PRMT8: variants seen among roughly 807,000 people sequenced by gnomAD.
The protein encoded by PRMT8 is protein arginine N-methyltransferase 8.
A neutral mutation model predicts 47.1 loss-of-function variants in PRMT8; 7 were observed. The ratio of observed to expected loss-of-function variants is 0.15; its 90% CI spans 0.08 to 0.28. The LOEUF is 0.28. PRMT8 is among the 10% of genes least tolerant of loss of function. The pLI is 1.00. For missense variants in PRMT8, 237 were observed against 505.4 expected, an observed-to-expected ratio of 0.47 and a Z score of 5.09; for synonymous variants, 188 against 186.5, an observed-to-expected ratio of 1.01 and a Z score of -0.07.
intron 1 of PRMT8, among the ~76,000 whole-genome samples, chr12:3,383,482 G>C (rs1297291950): frequency 6.6e-6 from 1 of 152,228 alleles, no homozygotes; most frequent in African/African-American, 2.4e-5. Context: ...CAGTGTGGTG[G>C]TATTAAGAGG....
Position 3,550,255 on chromosome 12 carries a change from C to A in PRMT8, c.417+164C>A. On this transcript the variant is annotated intron_variant, in intron 3 of 9. Coordinates refer to ENST00000382622, the MANE Select transcript of PRMT8 (RefSeq NM_019854.5). The surrounding 1 kb of genome is among the most constrained non-coding windows in gnomAD (Gnocchi z 5.1). ...CAGGTGTGACTCTCAGGAAGGGGAG[C>A]AGGCTGCCTGTCCCCTGTGCATGGC... 1 of 790,130 alleles carries A rather than the reference C, an allele frequency of 1.3e-6. No individual in the cohort carries two copies. The highest frequency in any genetic ancestry group is 2.0e-6 in the Non-Finnish European group (1 of 505,018). 48.9% of individuals were successfully genotyped at this position (790,130 alleles called of 1,614,324 possible). A position where few individuals can be genotyped will look rare whatever the true frequency, so the allele number is the denominator to read the frequency against.
At chr12:3,433,721 C>T (rs1864706900) in intron 1 of PRMT8, among the ~76,000 whole-genome samples, 2 of 152,176 alleles carry the variant, frequency 1.3e-5, no homozygotes, top group South Asian at 4.1e-4. Context: ...AAGCAATTCT[C>T]CTGCCTCATT....
intron 1 of PRMT8, among the ~76,000 whole-genome samples, chr12:3,405,442 C>T (rs1864362718): frequency 1.3e-5 from 2 of 152,154 alleles, no homozygotes; most frequent in Admixed American, 1.3e-4. Context: ...GCAATCATGC[C>T]CTTCTAACAG....
In PRMT8 at chr12:3,409,622, G is replaced by A. The variant is rs1412253323; in HGVS notation, c.48+28180G>A. The stretch of plus-strand genomic sequence containing the variant: ...GGAGGCAGGGTTTTCCACTTGTTTG[G>A]CCTGGGGGCGGGGGTGAGGTGTCCC... On this transcript the variant is annotated intron_variant, in intron 1 of 9. Transcript: ENST00000452611. This position sits in a 1 kb window ranked among gnomAD's most constrained non-coding sequence, Gnocchi z 4.4. Among the ~76,000 whole-genome samples, 2 of 152,138 alleles carry A rather than the reference G, an allele frequency of 1.3e-5. No homozygotes were observed. The highest frequency in any genetic ancestry group is 1.3e-4 in the Admixed American group (2 of 15,280).
At chr12:3,522,525 G>A (rs1041554830) in intron 1 of PRMT8, among the ~76,000 whole-genome samples, 3 of 151,918 alleles carry the variant, frequency 2.0e-5, no homozygotes, top group Non-Finnish European at 4.4e-5. Context: ...TTAGCTGGGC[G>A]TGGTGGTGGG....
At chr12:3,455,765 A>AGAAAGT (rs1161625084) in intron 1 of PRMT8, among the ~76,000 whole-genome samples, 3 of 152,164 alleles carry the variant, frequency 2.0e-5, no homozygotes, top group Non-Finnish European at 4.4e-5. Flanking sequence ...ACAAATAGCC[A>AGAAAGT]GAAAGTGGAG....
Position 3,540,613 on chromosome 12 carries a change from G to GCCCCCCCGCCCCCCCCC in PRMT8, c.90_91insGCCCCCCCCCCCCCCCC (p.Ser31AlafsTer41). 1 of 1,130,522 alleles carries GCCCCCCCGCCCCCCCCC rather than the reference G, an allele frequency of 8.8e-7. No homozygotes were observed. Among genetic ancestry groups the GCCCCCCCGCCCCCCCCC allele is most frequent in the Non-Finnish European group, 1.3e-6 (1 of 752,492 alleles). 70.0% of individuals were successfully genotyped at this position (1,130,522 alleles called of 1,614,324 possible). On this transcript the variant is annotated frameshift_variant, in exon 2 of 10. Transcript: ENST00000382622. LOFTEE classifies it high-confidence loss of function. Reference sequence around the variant, plus strand: ...CCCTTCTCTTCCCCTCAGGTGAACAGCCCCCCCTCCCAGCCCCCCCAGCCC... The same window carrying GCCCCCCCGCCCCCCCCC: ...CCCTTCTCTTCCCCTCAGGTGAACAGCCCCCCCGCCCCCCCCCCCCCCCCTCCCAGCCCCCCCAGCCC...
intron 7 of PRMT8, among the ~76,000 whole-genome samples, chr12:3,578,274 G>C (rs1295137820): frequency 1.2e-4 from 19 of 152,050 alleles, no homozygotes; most frequent in Admixed American, 1.0e-3. Flanking sequence ...TGTCACCCAG[G>C]TTGAAGTGCA....
intron 1 of PRMT8, among the ~76,000 whole-genome samples, chr12:3,449,862 T>C (rs1294641756): frequency 6.6e-6 from 1 of 152,200 alleles, no homozygotes; most frequent in African/African-American, 2.4e-5. Flanking sequence ...TAGTTTTGGG[T>C]TTTACATTTA....
rs1865449490 is a variant in PRMT8, at chr12:3,493,141, C to T, written c.75+1441C>T. On this transcript the variant is annotated intron_variant, in intron 1 of 9. Coordinates refer to ENST00000382622, the MANE Select transcript of PRMT8 (RefSeq NM_019854.5). This position sits in a 1 kb window ranked among gnomAD's most constrained non-coding sequence, Gnocchi z 8.2. ...AACACGCTCCGGGACTTGAACGCAG[C>T]GGGGCATTCAGTAGCGAATGCTGTC... 6.6e-6 allele frequency among the ~76,000 whole-genome samples: 1 copy of T among 152,192 alleles called. No homozygotes were observed. Among genetic ancestry groups the T allele is most frequent in the African/African-American group, 2.4e-5 (1 of 41,440 alleles).
rs777400701 is a variant in PRMT8 at position 3,550,110 on chromosome 12, C to T, written c.417+19C>T. 3 of 1,611,960 alleles carry T rather than the reference C, an allele frequency of 1.9e-6. No individual in the cohort carries two copies. Among genetic ancestry groups the T allele is most frequent in the Non-Finnish European group, 2.5e-6 (3 of 1,178,870 alleles). Reference sequence around the variant, plus strand: ...GTTTGGGGTGAGCACGCCGCTTCCTCCTGCATGCTGGCTTCCACAGAGCCA... The same window carrying T: ...GTTTGGGGTGAGCACGCCGCTTCCTTCTGCATGCTGGCTTCCACAGAGCCA... On this transcript the variant is annotated intron_variant, in intron 3 of 9. Transcript: ENST00000382622. This position sits in a 1 kb window ranked among gnomAD's most constrained non-coding sequence, Gnocchi z 5.1.
chr12:3,584,073 C>T (rs1020890556), intron 8 of PRMT8, among the ~76,000 whole-genome samples: 5 of 152,198 alleles, frequency 3.3e-5, no homozygotes. Context: ...TAACAAAATA[C>T]CCAGGCTTGG....
rs2137139875 is a variant in PRMT8, at chr12:3,519,943, G to C, written c.76-20663G>C. Among the ~76,000 whole-genome samples the C allele has an allele frequency of 1.3e-5, 2 of 152,294 alleles. 1 individual carries two copies. Among genetic ancestry groups the C allele is most frequent in the South Asian group, 4.2e-4 (2 of 4,802 alleles). On this transcript the variant is annotated intron_variant, in intron 1 of 9. Coordinates refer to ENST00000382622, the MANE Select transcript of PRMT8 (RefSeq NM_019854.5). Reference sequence around the variant, plus strand: ...ATGTAAAATATAAGTTTTAAATGCTGGTGATCAGTTCAAAAATCTTAAAAA... The same window carrying C: ...ATGTAAAATATAAGTTTTAAATGCTCGTGATCAGTTCAAAAATCTTAAAAA...
intron 1 of PRMT8, among the ~76,000 whole-genome samples, chr12:3,483,822 C>A (rs1865297427): frequency 6.6e-6 from 1 of 152,160 alleles, no homozygotes; most frequent in Non-Finnish European, 1.5e-5. Context: ...CATGTATTGA[C>A]ATGGATCATT....
At chr12:3,399,704 C>T (rs1441076237) in intron 1 of PRMT8, among the ~76,000 whole-genome samples, 2 of 152,154 alleles carry the variant, frequency 1.3e-5, no homozygotes, top group African/African-American at 4.8e-5. Flanking sequence ...GGAGGGCCCT[C>T]AATGACGTAG....
intron 1 of PRMT8, among the ~76,000 whole-genome samples, chr12:3,485,133 C>T (rs968604561): frequency 1.3e-5 from 2 of 152,162 alleles, no homozygotes; most frequent in Non-Finnish European, 2.9e-5. Context: ...TTCTTGGTAA[C>T]ATGAAATCCA....
intron 1 of PRMT8, among the ~76,000 whole-genome samples, chr12:3,427,557 G>C (rs752195915): frequency 6.6e-6 from 1 of 150,392 alleles, no homozygotes; most frequent in Non-Finnish European, 1.5e-5. Context: ...TTTTACCAGA[G>C]GTATATTTTA....
At chr12:3,521,448 C>T (rs555382532) in intron 1 of PRMT8, among the ~76,000 whole-genome samples, 1 of 152,240 alleles carries the variant, frequency 6.6e-6, no homozygotes, top group East Asian at 1.9e-4. Flanking sequence ...GTGGCAGGCA[C>T]CTGTAATCCC....
chr12:3,479,297 C>T (rs537760589), intron 1 of PRMT8, among the ~76,000 whole-genome samples: 1 of 152,362 alleles, frequency 6.6e-6, no homozygotes, highest in Non-Finnish European at 1.5e-5. Context: ...ACAGAGCCCC[C>T]TCGATCTTCC....
Sources: gnomAD v4.1 joint callset for allele counts (sites outside exome capture counted in the v4.1 genomes callset) on GRCh38, gnomAD v4.1.1 for gene constraint, Gnocchi (gnomAD v3.1) non-coding constraint, MANE v1.5 for transcripts, NCBI Gene and HGNC (gene_info 2026-07-23, HGNC 2026-07-21) for gene names.